CHKA: variants seen among roughly 807,000 people sequenced by gnomAD.
The protein encoded by CHKA is CHETK-alpha.
Under a neutral mutation model 60.1 loss-of-function variants are expected in CHKA, and 34 were observed. The ratio of observed to expected loss-of-function variants is 0.57; its 90% CI spans 0.43 to 0.75. The LOEUF (loss-of-function observed/expected upper bound fraction) is 0.75, where lower values mean the gene tolerates loss of function less well. CHKA is among the 30% of genes least tolerant of loss of function. The pLI, the probability that CHKA is intolerant of heterozygous loss-of-function variation, is 0.00. For missense variants in CHKA, 563 were observed against 561.3 expected (o/e 1.00, Z -0.03); for synonymous variants, 217 against 223.1 (o/e 0.97, Z 0.24).
chr11:68,060,865 T>C (rs1490165180), intron 11 of CHKA, among the ~76,000 whole-genome samples: 1 of 152,122 alleles, frequency 6.6e-6, no homozygotes, highest in African/African-American at 2.4e-5. Context: ...CCTAATATCA[T>C]CCTTGCATTA....
rs1857814964 is a variant in CHKA, at chr11:68,103,882, C to T, written c.351-6752G>A. Among the ~76,000 whole-genome samples the T allele has an allele frequency of 2.0e-5, 3 of 151,882 alleles. No individual in the cohort carries two copies. The South Asian group carries it at 6.2e-4, about 32-fold the overall frequency. On this transcript the variant is annotated intron_variant, in intron 1 of 11. Coordinates refer to ENST00000265689, the MANE Select transcript of CHKA (RefSeq NM_001277.3). The stretch of plus-strand genomic sequence containing the variant: ...GAGCCGAGATCACACCACTGCACTC[C>T]AGCCTGGGAGACAGAGCAAGGCTCA...
At chr11:68,114,087 G>A (rs1010679292) in intron 1 of CHKA, among the ~76,000 whole-genome samples, 2 of 152,116 alleles carry the variant, frequency 1.3e-5, no homozygotes, top group African/African-American at 4.8e-5. Context: ...TGCTAGTAAG[G>A]ACATAGAATA....
At chr11:68,060,497 G>C (rs951310693) in intron 11 of CHKA, among the ~76,000 whole-genome samples, 5 of 152,086 alleles carry the variant, frequency 3.3e-5, no homozygotes, top group African/African-American at 1.2e-4. Context: ...TTTTAGTAGA[G>C]ATAGAGTTTC....
intron 1 of CHKA, among the ~76,000 whole-genome samples, chr11:68,098,271 C>CAAAAAAAA (rs57972693): frequency 1.2e-4 from 14 of 120,680 alleles, no homozygotes; most frequent in South Asian, 5.2e-4. Flanking sequence ...ACTCCTATCT[C>CAAAAAAAA]AAAAAAAAAA....
intron 1 of CHKA, among the ~76,000 whole-genome samples, chr11:68,102,558 G>C (rs1857765365): frequency 6.6e-6 from 1 of 152,128 alleles, no homozygotes; most frequent in South Asian, 2.1e-4. Context: ...ACTCCAAAAT[G>C]GATCGAAAAC....
chr11:68,121,153 C>T lies in CHKA; in HGVS notation c.25G>A (p.Gly9Ser), dbSNP rs1858633697. Residue 9 changes from glycine (G) to serine (S), a missense_variant, in exon 1 of 12, where the codon GGC (glycine) becomes AGC (serine). By Grantham distance (56) the Gly-to-Ser change is moderately conservative. Coordinates refer to ENST00000265689, the MANE Select transcript of CHKA (RefSeq NM_001277.3). MKTKFCTG[G>S]EAEPSPLGLL... ...CCGAGCGGCGAGGGCTCCGCCTCGCCCCCGGTGCAGAATTTGGTTTTCATG... is the reference window on the plus strand; with the variant it reads ...CCGAGCGGCGAGGGCTCCGCCTCGCTCCCGGTGCAGAATTTGGTTTTCATG... The T allele has an allele frequency of 8.3e-7, 1 of 1,208,594 alleles. No homozygotes were observed. The highest frequency in any genetic ancestry group is 4.5e-5 in the East Asian group (1 of 22,338). The allele number at this position is 1,208,594 out of a possible 1,614,324, so 74.9% of individuals were successfully genotyped here.
In CHKA at chr11:68,120,857, G is replaced by T; in HGVS notation, c.321C>A (p.Arg107=). ...TGACACTGATGTGGAACTCGTCCTC[G>T]CGGAGGCCCCGCCAGGCGCCGGGCA... The part of the protein sequence containing the change: ...EFLPGAWRGL[R]EDEFHISVIR... The change falls in exon 1 of 12, where the codon CGC becomes CGA. Residue 107 remains arginine (R), a synonymous_variant. Transcript: ENST00000265689. The T allele has an allele frequency of 1.5e-6, 2 of 1,341,256 alleles. No homozygotes were observed. The highest frequency in any genetic ancestry group is 3.8e-5 in the East Asian group (1 of 26,634). 83.1% of individuals were successfully genotyped at this position (1,341,256 alleles called of 1,614,324 possible).
intron 1 of CHKA, among the ~76,000 whole-genome samples, chr11:68,100,578 G>A (rs1311252343): frequency 6.8e-6 from 1 of 147,976 alleles, no homozygotes; most frequent in African/African-American, 2.5e-5. Flanking sequence ...GGACAAGAAC[G>A]AAACATCATC....
At chr11:68,103,606 G>A (rs1373947722) in intron 1 of CHKA, among the ~76,000 whole-genome samples, 2 of 151,650 alleles carry the variant, frequency 1.3e-5, no homozygotes, top group Admixed American at 6.6e-5. Context: ...GCTCATCAAA[G>A]CAAGTTTAAA....
At chr11:68,104,276 TAAAA>T (rs1857833348) in intron 1 of CHKA, among the ~76,000 whole-genome samples, 1 of 151,994 alleles carries the variant, frequency 6.6e-6, no homozygotes, top group Non-Finnish European at 1.5e-5. Flanking sequence ...GTGTAGAATC[TAAAA>T]AAGTTGATCT....
chr11:68,070,356 C>T, intron 5 of CHKA, 63 bp from the exon 6 acceptor site: 2 of 1,213,438 alleles, frequency 1.6e-6, no homozygotes, highest in Non-Finnish European at 2.4e-6. Context: ...CCAAGGCTTG[C>T]TGTTCTTGGG....
Position 68,113,815 on chromosome 11 carries a change from T to G in CHKA, c.350+7013A>C, listed in dbSNP as rs567144918. Among the ~76,000 whole-genome samples the G allele has an allele frequency of 9.5e-4, 145 of 152,030 alleles. 1 individual carries two copies. The highest frequency in any genetic ancestry group is 3.3e-3 in the African/African-American group (137 of 41,486). ...TTCAAGACCAGCCTGGCCAACATGG[T>G]GAAACCCCATCTCTAAATACCAAAA... On this transcript the variant is annotated intron_variant, in intron 1 of 11. Transcript: ENST00000265689.
rs1192170501 is a variant in CHKA at position 68,065,892 on chromosome 11, C to A, written c.1019G>T (p.Gly340Val). 6 of 1,594,136 alleles carry A rather than the reference C, an allele frequency of 3.8e-6. No individual in the cohort carries two copies. Among genetic ancestry groups the A allele is most frequent in the Non-Finnish European group, 5.2e-6 (6 of 1,163,830 alleles). Residue 340 changes from glycine (G) to valine (V), a missense_variant and splice_region_variant, in exon 9 of 12, where the codon GGA becomes GTA. By Grantham distance (109) the Gly-to-Val change is moderately radical. Transcript: ENST00000265689. ...DFEYSSYNYR[G>V]FDIGNHFCEW... ...ACAGAAGTGATTTCCAATGTCGAATCCCCTGAAATAAGACATAAGACAGTG... is the reference window on the plus strand; with the variant it reads ...ACAGAAGTGATTTCCAATGTCGAATACCCTGAAATAAGACATAAGACAGTG...
intron 2 of CHKA, among the ~76,000 whole-genome samples, chr11:68,083,453 ATTG>A (rs1857051265): frequency 1.3e-5 from 2 of 152,194 alleles, no homozygotes. Context: ...CTCTTCTGAA[ATTG>A]TTGTAACGGG....
chr11:68,108,763 AG>A (rs1391950883), intron 1 of CHKA, among the ~76,000 whole-genome samples: 1 of 152,156 alleles, frequency 6.6e-6, no homozygotes, highest in Non-Finnish European at 1.5e-5. Context: ...AATGAGGTTA[AG>A]GGGGAAACTG....
At chr11:68,071,008 T>C in intron 4 of CHKA, 151 bp from the exon 5 acceptor site, 2 of 701,804 alleles carry the variant, frequency 2.8e-6, no homozygotes, top group Non-Finnish European at 4.6e-6. Flanking sequence ...ACTGTGTCCC[T>C]ACAGACAGTG....
At chr11:68,085,042 T>C (rs1431506013) in intron 2 of CHKA, among the ~76,000 whole-genome samples, 1 of 152,198 alleles carries the variant, frequency 6.6e-6, no homozygotes, top group African/African-American at 2.4e-5. Flanking sequence ...AAAAATATAT[T>C]GCCACTGGCT....
intron 11 of CHKA, among the ~76,000 whole-genome samples, chr11:68,058,901 CTTTT>C (rs996515178): frequency 5.3e-5 from 8 of 150,832 alleles, no homozygotes; most frequent in Middle Eastern, 3.4e-3. Context: ...GTGGGTTTTC[CTTTT>C]TTTTTATTGA....
chr11:68,110,997 C>CA (rs368581413), intron 1 of CHKA, among the ~76,000 whole-genome samples: 1,100 of 84,042 alleles, frequency 0.013, 12 homozygotes, highest in South Asian at 0.065. Context: ...GACTCCATCT[C>CA]AAAAAAAAAA....
Sources: gnomAD v4.1 joint callset for allele counts (sites outside exome capture counted in the v4.1 genomes callset) on GRCh38, gnomAD v4.1.1 for gene constraint, MANE v1.5 for transcripts, NCBI Gene and HGNC (gene_info 2026-07-23, HGNC 2026-07-21) for gene names.